Variants in VPS13B observed in about 807,000 individuals in gnomAD.
VPS13B encodes the protein vacuolar protein sorting 13 homolog B, also known as intermembrane lipid transfer protein VPS13B.
Under a neutral mutation model 426.4 loss-of-function variants are expected in VPS13B, and 285 were observed. That is an observed-to-expected ratio of 0.67 (90% CI 0.61 to 0.74). The LOEUF is 0.74. Among genes scored for constraint, VPS13B ranks in the 30% least tolerant of loss-of-function variants. VPS13B has a pLI of 0.00. For synonymous variants in VPS13B, 1,676 were observed against 1,676.4 expected, an observed-to-expected ratio of 1.00 and a Z score of 0.01; for missense variants, 4,537 against 4,782.6, an observed-to-expected ratio of 0.95 and a Z score of 1.51.
intron 25 of VPS13B, among the ~76,000 whole-genome samples, chr8:99,498,141 A>G (rs1042931676): frequency 6.6e-5 from 10 of 152,156 alleles, no homozygotes; most frequent in Admixed American, 5.2e-4. Flanking sequence ...AGATAGTTTT[A>G]TCATGTAAAT....
intron 39 of VPS13B, among the ~76,000 whole-genome samples, chr8:99,764,396 A>G (rs1362757747): frequency 6.6e-6 from 1 of 150,400 alleles, no homozygotes; most frequent in Non-Finnish European, 1.5e-5. Flanking sequence ...TTGTGTTAAT[A>G]TAGAGAGAGA....
chr8:99,219,721 T>C (rs564168260), intron 17 of VPS13B, among the ~76,000 whole-genome samples: 32 of 152,350 alleles, frequency 2.1e-4, no homozygotes, highest in African/African-American at 7.0e-4. Flanking sequence ...AGTTCATCCA[T>C]GAGGGCAGAG....
intron 16 of VPS13B, among the ~76,000 whole-genome samples, chr8:99,171,879 A>G (rs1329426817): frequency 6.6e-6 from 1 of 152,180 alleles, no homozygotes; most frequent in African/African-American, 2.4e-5. Flanking sequence ...TTTGAATTCA[A>G]TAAAATACTG....
At chr8:99,677,772 T>G (rs1182306357) in intron 35 of VPS13B, among the ~76,000 whole-genome samples, 1 of 152,206 alleles carries the variant, frequency 6.6e-6, no homozygotes, top group Non-Finnish European at 1.5e-5. Flanking sequence ...AGCCTAATTC[T>G]GTTAGAATTA....
At chr8:99,062,976 C>T (rs1166644049) in intron 3 of VPS13B, among the ~76,000 whole-genome samples, 1 of 152,058 alleles carries the variant, frequency 6.6e-6, no homozygotes, top group South Asian at 2.1e-4. Context: ...AACATTATGG[C>T]CTTTTTTCCT....
chr8:99,698,961 A>G (rs946248240), intron 35 of VPS13B, among the ~76,000 whole-genome samples: 8 of 152,286 alleles, frequency 5.3e-5, no homozygotes, highest in South Asian at 2.1e-4. Context: ...ACTTTTATCA[A>G]TGCAGAGTGT....
intron 23 of VPS13B, among the ~76,000 whole-genome samples, chr8:99,447,471 C>A (rs774986702): frequency 6.6e-6 from 1 of 152,134 alleles, no homozygotes; most frequent in Non-Finnish European, 1.5e-5. Flanking sequence ...TTATTTTCTG[C>A]ACTGTGAGTT....
At chr8:99,439,478 G>A (rs1817572864) in intron 22 of VPS13B, among the ~76,000 whole-genome samples, 1 of 151,996 alleles carries the variant, frequency 6.6e-6, no homozygotes, top group African/African-American at 2.4e-5. Context: ...ATGAATAAAG[G>A]AGAGAAAAAG....
At chr8:99,728,971 T>C (rs1039100614) in intron 39 of VPS13B, among the ~76,000 whole-genome samples, 5 of 152,178 alleles carry the variant, frequency 3.3e-5, no homozygotes, top group African/African-American at 1.2e-4. Flanking sequence ...AACAGACTTT[T>C]TTTTTCTCCC....
intron 19 of VPS13B, among the ~76,000 whole-genome samples, chr8:99,360,713 G>T (rs968917839): frequency 6.6e-6 from 1 of 152,116 alleles, no homozygotes; most frequent in African/African-American, 2.4e-5. Context: ...ACTGGCAAGG[G>T]CAAAAGGTGG....
chr8:99,069,906 T>G (rs1367472423), intron 3 of VPS13B, among the ~76,000 whole-genome samples: 1 of 152,220 alleles, frequency 6.6e-6, no homozygotes, highest in African/African-American at 2.4e-5. Flanking sequence ...GTTTTAAAGT[T>G]TTTAAAAACA....
At chr8:99,695,628 G>A (rs1485589156) in intron 35 of VPS13B, among the ~76,000 whole-genome samples, 2 of 143,854 alleles carry the variant, frequency 1.4e-5, no homozygotes, top group Admixed American at 7.0e-5. Context: ...CAGCGCACCA[G>A]CATGGCACAT....
At chr8:99,364,724 C>T (rs766807043) in intron 19 of VPS13B, among the ~76,000 whole-genome samples, 4 of 152,150 alleles carry the variant, frequency 2.6e-5, no homozygotes, top group Non-Finnish European at 5.9e-5. Flanking sequence ...AGAGCCACTG[C>T]GCCCGTTGTA....
intron 7 of VPS13B, among the ~76,000 whole-genome samples, chr8:99,118,105 A>G (rs1399702293): frequency 2.6e-5 from 4 of 152,184 alleles, no homozygotes; most frequent in African/African-American, 7.2e-5. Flanking sequence ...AACAAACATA[A>G]CATGTAGAAG....
chr8:99,396,482 C>T (rs1462643276), intron 21 of VPS13B, among the ~76,000 whole-genome samples: 1 of 152,110 alleles, frequency 6.6e-6, no homozygotes, highest in Non-Finnish European at 1.5e-5. Context: ...AGGCACTTTG[C>T]GATTATTTCC....
rs186718853 is a variant in VPS13B, at chr8:99,089,306, C to G, written c.292-7006C>G. Among the ~76,000 whole-genome samples the G allele has an allele frequency of 5.3e-5, 8 of 152,202 alleles. No individual in the cohort carries two copies. In the East Asian group the frequency reaches 1.3e-3, roughly 26 times the overall value. On this transcript the variant is annotated intron_variant, in intron 3 of 61. Coordinates refer to ENST00000357162, the MANE Select transcript of VPS13B (RefSeq NM_152564.5). ...CTGTTTGTCTCTTTTTCATCCATCC[C>G]TGCCTTCCTTCCTTCTGTTTGTAAA...
At position 99,821,405 on chromosome 8, in the gene VPS13B, G is replaced by C; in HGVS notation, c.9106G>C (p.Gly3036Arg). 2 of 1,613,860 alleles carry C rather than the reference G, an allele frequency of 1.2e-6. No individual in the cohort carries two copies. The highest frequency in any genetic ancestry group is 1.7e-6 in the Non-Finnish European group (2 of 1,179,818). Residue 3036 changes from glycine (G) to arginine (R), a missense_variant, in exon 50 of 62, where the codon GGT becomes CGT. Gly to Arg is a moderately radical substitution (Grantham distance 125). Around this residue, in one of 2 missense-constraint regions of VPS13B, gnomAD observed 4,311 missense variants for 4,474.3 expected, o/e 0.96. Coordinates refer to ENST00000357162, the MANE Select transcript of VPS13B (RefSeq NM_152564.5). ...TCCAAAGTGGAAAGATGGAGGTAAT[G>C]GTGAAGTTGTGACACTGGATGAAGA... ...TSPKWKDGGN[G>R]EVVTLDEEAF...
intron 1 of VPS13B, 35 bp from the exon 2 acceptor site, chr8:99,013,725 C>G (rs529066036): frequency 2.5e-6 from 4 of 1,603,380 alleles, no homozygotes; most frequent in East Asian, 4.5e-5. Context: ...TTCACTCTAC[C>G]GCCGACTTCT....
chr8:99,724,562 G>A (rs1213603891), intron 39 of VPS13B, among the ~76,000 whole-genome samples: 1 of 151,854 alleles, frequency 6.6e-6, no homozygotes, highest in African/African-American at 2.4e-5. Flanking sequence ...ATCTTTTTGA[G>A]CTTCAGTTTC....
Sources: gnomAD v4.1 joint callset for allele counts (sites outside exome capture counted in the v4.1 genomes callset) on GRCh38, gnomAD v4.1.1 for gene constraint, gnomAD v4.1.1 regional missense constraint, MANE v1.5 for transcripts, NCBI Gene and HGNC (gene_info 2026-07-23, HGNC 2026-07-21) for gene names.